KLK15: variants seen among roughly 807,000 people sequenced by gnomAD.
KLK15 encodes the protein kallikrein related peptidase 15, also known as kallikrein-15.
A neutral mutation model predicts 21.1 loss-of-function variants in KLK15; 19 were observed. The ratio of observed to expected loss-of-function variants is 0.90; its 90% CI spans 0.63 to 1.32. The LOEUF is 1.32. Among genes scored for constraint, KLK15 ranks in the 40% most tolerant of loss-of-function variants. KLK15 has a pLI of 0.00. For synonymous variants in KLK15, 141 were observed against 141.5 expected, an observed-to-expected ratio of 1.00 and a Z score of 0.03; for missense variants, 345 against 348.6, an observed-to-expected ratio of 0.99 and a Z score of 0.08.
At chr19:50,831,213 C>G (rs562012678) in intron 1 of KLK15, 1 of 389,514 alleles carries the variant, frequency 2.6e-6, no homozygotes, top group Admixed American at 4.6e-5. Context: ...TGTGTAACCC[C>G]AGGACCGTGT....
chr19:50,831,570 T>C, upstream of KLK15: 2 of 1,159,184 alleles, frequency 1.7e-6, no homozygotes, highest in Middle Eastern at 2.2e-4. Flanking sequence ...CCCTTCTGCC[T>C]CCACCAGGAT....
upstream of KLK15, among the ~76,000 whole-genome samples, chr19:50,832,384 G>A (rs1252270234): frequency 1.4e-5 from 2 of 145,388 alleles, no homozygotes; most frequent in African/African-American, 2.6e-5. Flanking sequence ...GTGGAGTGGC[G>A]TGATCTCCGC....
chr19:50,831,428 C>A, intron 1 of KLK15, 22 bp downstream of exon 2: 2 of 1,413,342 alleles, frequency 1.4e-6, no homozygotes, highest in South Asian at 1.6e-5. Context: ...ACAGACCTGG[C>A]CCCCTCCTGG....
rs186878163 is a variant in KLK15 at position 50,830,275 on chromosome 19, C to T, written c.43+1175G>A. 3.4e-4 allele frequency among the ~76,000 whole-genome samples: 51 copies of T among 151,802 alleles called. 2 individuals carry two copies. The highest frequency in any genetic ancestry group is 1.2e-3 in the African/African-American group (48 of 41,460). On this transcript the variant is annotated intron_variant, in intron 1 of 4. Transcript: ENST00000598239. ...TCCACTGGGCAATGTGGATGCATCCCCTGAAGGTTGAAGCCATGCACACTC... is the reference window on the plus strand; with the variant it reads ...TCCACTGGGCAATGTGGATGCATCCTCTGAAGGTTGAAGCCATGCACACTC...
chr19:50,832,304 C>T (rs1599960682), upstream of KLK15, among the ~76,000 whole-genome samples: 1 of 143,436 alleles, frequency 7.0e-6, no homozygotes, highest in East Asian at 2.1e-4. Context: ...TTCAAATTCA[C>T]TTTCTTTCTT....
rs1249470722 is a variant in KLK15 at position 50,827,091 on chromosome 19, A to C, written c.268T>G (p.Ser90Ala). Residue 90 changes from serine to alanine, a missense_variant, in exon 3 of 5, where the codon TCT (serine) becomes GCT (alanine). Transcript: ENST00000598239. ...TAGCGCGGGTGTGGAATGACCCGAGACGTGGTCCGTAGTTGCTCTGGGCCA... is the reference window on the plus strand; with the variant it reads ...TAGCGCGGGTGTGGAATGACCCGAGCCGTGGTCCGTAGTTGCTCTGGGCCA... 2.5e-6 allele frequency: 4 copies of C among 1,605,754 alleles called. No homozygotes were observed. In the Admixed American group the frequency reaches 6.7e-5, roughly 27 times the overall value.
At chr19:50,829,524 C>T (rs2089945206) in intron 1 of KLK15, among the ~76,000 whole-genome samples, 1 of 151,788 alleles carries the variant, frequency 6.6e-6, no homozygotes, top group African/African-American at 2.4e-5. Flanking sequence ...GGTGTGGTGG[C>T]TCACGCCTGT....
Position 50,826,606 on chromosome 19 carries a change from C to T in KLK15, c.618+15G>A. The stretch of plus-strand genomic sequence containing the variant: ...ATCCCTCTTCTTCCGCCTGATGGCC[C>T]CTCTAGGCTCTGACCTCACAGGATT... On this transcript the variant is annotated intron_variant, in intron 4 of 4. Coordinates refer to ENST00000598239, the Ensembl canonical transcript of KLK15. 1.3e-6 allele frequency: 2 copies of T among 1,575,182 alleles called. No homozygotes were observed. The highest frequency in any genetic ancestry group is 1.2e-5 in the South Asian group (1 of 85,026).
chr19:50,826,084 A>C (rs987280147), intron 4 of KLK15, 136 bp from the exon 6 acceptor site: 1 of 833,612 alleles, frequency 1.2e-6, no homozygotes, highest in Non-Finnish European at 1.8e-6. Context: ...AACTCAATAC[A>C]GCCCAGTTTA....
Position 50,825,796 on chromosome 19 carries a change from T to C in KLK15, c.771A>G (p.Ter257TrpextTer3), listed in dbSNP as rs777071883. The C allele has an allele frequency of 7.4e-6, 12 of 1,613,350 alleles. No individual in the cohort carries two copies. The South Asian group carries it at 1.3e-4, about 18-fold the overall frequency. The change falls in exon 5 of 5, where the codon TGA becomes TGG. Residue 257 changes from the stop codon to tryptophan, a stop_lost. Coordinates refer to ENST00000598239, the Ensembl canonical transcript of KLK15. Reference sequence around the variant, plus strand: ...GGGCACAGGAGATAGGCTAGAATAGTCAGTTCCTCTTCATGGTTTCCCTGA... The same window carrying C: ...GGGCACAGGAGATAGGCTAGAATAGCCAGTTCCTCTTCATGGTTTCCCTGA...
chr19:50,829,801 A>G (rs1195738395), intron 1 of KLK15, among the ~76,000 whole-genome samples: 1 of 151,780 alleles, frequency 6.6e-6, no homozygotes, highest in Non-Finnish European at 1.5e-5. Flanking sequence ...TGGGCGGCAG[A>G]GCGAGACTCC....
rs761336847 is a variant in KLK15 at position 50,825,967 on chromosome 19, G to T, written c.619-19C>A. 1 of 1,604,166 alleles carries T rather than the reference G, an allele frequency of 6.2e-7. No homozygotes were observed. The highest frequency in any genetic ancestry group is 1.1e-5 in the South Asian group (1 of 90,404). Reference sequence around the variant, plus strand: ...AGTCACCCTGTGGGGAAAAGAGGGGGTCTCAGGTTGAGTGAAACCTCCTGG... The same window carrying T: ...AGTCACCCTGTGGGGAAAAGAGGGGTTCTCAGGTTGAGTGAAACCTCCTGG... On this transcript the variant is annotated intron_variant, in intron 4 of 4. Coordinates refer to ENST00000598239, the Ensembl canonical transcript of KLK15.
intron 1 of KLK15, among the ~76,000 whole-genome samples, chr19:50,830,291 A>AT (rs2089960216): frequency 6.6e-6 from 1 of 151,788 alleles, no homozygotes; most frequent in Admixed American, 6.6e-5. Context: ...GGTTGAAGCC[A>AT]TGCACACTCC....
chr19:50,825,936 C>A lies in KLK15; in HGVS notation c.631G>T (p.Gly211Ter). 1 of 1,612,800 alleles carries A rather than the reference C, an allele frequency of 6.2e-7. No individual in the cohort carries two copies. The highest frequency in any genetic ancestry group is 8.5e-7 in the Non-Finnish European group (1 of 1,179,282). The change falls in exon 5 of 5, where the codon GGA becomes TGA. Residue 211 changes from glycine (G) to a stop codon, truncating the protein, a stop_gained. Transcript: ENST00000598239. LOFTEE classifies it low-confidence loss of function (END_TRUNC). ...AGGATGCCCCCACAGACCAGGGGTCCCCCAGAGTCACCCTGTGGGGAAAAG... is the reference window on the plus strand; with the variant it reads ...AGGATGCCCCCACAGACCAGGGGTCACCCAGAGTCACCCTGTGGGGAAAAG...
chr19:50,831,791 C>A (rs1255142538), upstream of KLK15, among the ~76,000 whole-genome samples: 1 of 151,384 alleles, frequency 6.6e-6, no homozygotes, highest in African/African-American at 2.4e-5. Flanking sequence ...CTCTCTCCAT[C>A]ATCACCAAGG....
intron 2 of KLK15, 65 bp from the exon 4 acceptor site, chr19:50,827,226 C>T: frequency 6.7e-7 from 1 of 1,489,320 alleles, no homozygotes; most frequent in South Asian, 1.3e-5. Context: ...AAGTAGAGGA[C>T]AGAAAGATCA....
upstream of KLK15, among the ~76,000 whole-genome samples, chr19:50,832,570 G>A (rs966659258): frequency 2.0e-5 from 3 of 149,302 alleles, no homozygotes; most frequent in East Asian, 2.0e-4. Context: ...TGATCCACCC[G>A]CCTCAGCCTC....
chr19:50,825,638 G>T (rs980374156), downstream of KLK15: 4 of 619,316 alleles, frequency 6.5e-6, no homozygotes, highest in South Asian at 3.0e-5. Flanking sequence ...GACCTTGAGC[G>T]CCAGCTTTGT....
At chr19:50,827,942 T>C in intron 1 of KLK15, 127 bp from the exon 3 acceptor site, 7 of 701,348 alleles carry the variant, frequency 1.0e-5, no homozygotes, top group Non-Finnish European at 8.3e-6. Flanking sequence ...CACCCTGCCC[T>C]GTTTTTGTTT....
Sources: allele counts gnomAD v4.1 joint callset (sites outside exome capture counted in the v4.1 genomes callset), GRCh38; gene constraint gnomAD v4.1.1; transcripts MANE v1.5; gene names NCBI Gene and HGNC (gene_info 2026-07-23, HGNC 2026-07-21).